GNPNAT1: variants seen among roughly 807,000 people sequenced by gnomAD.
GNPNAT1 encodes the protein glucosamine 6-phosphate N-acetyltransferase.
Under a neutral mutation model 19.8 loss-of-function variants are expected in GNPNAT1, and 11 were observed. The observed-to-expected ratio is 0.56, with a 90% CI of 0.35 to 0.92. The LOEUF is 0.92. GNPNAT1 is among the 40% of genes least tolerant of loss of function. GNPNAT1 has a pLI of 0.01. For missense variants in GNPNAT1, 157 were observed against 211.0 expected (o/e 0.74, Z 1.59); for synonymous variants, 71 against 72.3 (o/e 0.98, Z 0.09).
At chr14:52,790,662 A>G (rs954905703) in intron 1 of GNPNAT1, among the ~76,000 whole-genome samples, 2 of 152,032 alleles carry the variant, frequency 1.3e-5, no homozygotes, top group Non-Finnish European at 2.9e-5. Flanking sequence ...AACAGACCCC[A>G]ATCTTTACAT....
At chr14:52,783,642 A>G (rs1396873102) in intron 2 of GNPNAT1, among the ~76,000 whole-genome samples, 157 bp from the exon 3 acceptor site, 2 of 152,158 alleles carry the variant, frequency 1.3e-5, no homozygotes, top group Non-Finnish European at 2.9e-5. Context: ...CTATTCTTCT[A>G]TAATCACTAC....
chr14:52,784,066 T>C (rs188919116), intron 2 of GNPNAT1, among the ~76,000 whole-genome samples: 4 of 152,292 alleles, frequency 2.6e-5, no homozygotes, highest in East Asian at 3.9e-4. Context: ...AAGGACAAAG[T>C]TGACTTTTAA....
chr14:52,785,912 T>C (rs541228718), intron 1 of GNPNAT1, among the ~76,000 whole-genome samples: 6 of 150,716 alleles, frequency 4.0e-5, no homozygotes, highest in Non-Finnish European at 5.9e-5. Context: ...CACGCCCAGC[T>C]AGTTTTTTTT....
At chr14:52,778,528 T>C (rs1180741882) in intron 5 of GNPNAT1, 70 bp from the exon 6 acceptor site, 2 of 1,303,052 alleles carry the variant, frequency 1.5e-6, no homozygotes, top group African/African-American at 1.5e-5. Flanking sequence ...AGTAACAATA[T>C]GAATTAATGT....
chr14:52,781,839 A>C lies in GNPNAT1; in HGVS notation c.290T>G (p.Ile97Ser). The change falls in exon 4 of 6, where the codon ATT (isoleucine) becomes AGT (serine). Residue 97 changes from isoleucine (I) to serine (S), a missense_variant. Ile to Ser is a moderately radical substitution (Grantham distance 142). Coordinates refer to ENST00000216410, the MANE Select transcript of GNPNAT1 (RefSeq NM_198066.4). Reference sequence around the variant, plus strand: ...TATAATCAGAGTTGCCGTAGCAACAATCTGTCCTAGAGTCACATCTTCTAC... The same window carrying C: ...TATAATCAGAGTTGCCGTAGCAACACTCTGTCCTAGAGTCACATCTTCTAC... ...TVVEDVTLGQ[I>S]VATATLIIEH... is the part of the protein sequence containing the mutation. 6.2e-7 allele frequency: 1 copy of C among 1,607,310 alleles called. No individual in the cohort carries two copies. Among genetic ancestry groups the C allele is most frequent in the Non-Finnish European group, 8.5e-7 (1 of 1,177,456 alleles).
At chr14:52,784,719 ATTG>A (rs1486522636) in intron 1 of GNPNAT1, 55 bp from the exon 2 acceptor site, 10 of 727,946 alleles carry the variant, frequency 1.4e-5, no homozygotes, top group African/African-American at 7.4e-5. Flanking sequence ...GAAAATTATG[ATTG>A]TTGAGAAAGT....
At chr14:52,779,398 A>G (rs1038593160) in intron 5 of GNPNAT1, among the ~76,000 whole-genome samples, 1 of 152,174 alleles carries the variant, frequency 6.6e-6, no homozygotes, top group Non-Finnish European at 1.5e-5. Context: ...ATGTTTGAAC[A>G]GACTAAAAAA....
chr14:52,780,808 A>G (rs2139962859), intron 4 of GNPNAT1, 68 bp from the exon 5 acceptor site: 2 of 911,698 alleles, frequency 2.2e-6, no homozygotes, highest in Non-Finnish European at 3.6e-6. Flanking sequence ...CGAGTTGGTA[A>G]GAATTTACTG....
At chr14:52,778,835 G>C (rs1047247781) in intron 5 of GNPNAT1, among the ~76,000 whole-genome samples, 3 of 151,920 alleles carry the variant, frequency 2.0e-5, no homozygotes, top group Non-Finnish European at 2.9e-5. Flanking sequence ...TGGGAAACAC[G>C]GCAAAACCCC....
In GNPNAT1 at chr14:52,777,019, G is replaced by T. The variant is rs916697924; in HGVS notation, c.*1292C>A. On this transcript the variant is annotated 3_prime_UTR_variant, in exon 6 of 6. Transcript: ENST00000216410. ...TGTATAGGCTATAAGCAGGTAAGTA[G>T]TGCACTCTATTGGTGAAGGATTTCT... 6.6e-6 allele frequency: 1 copy of T among 152,250 alleles called. No homozygotes were observed. Among genetic ancestry groups the T allele is most frequent in the African/African-American group, 2.4e-5 (1 of 41,468 alleles). The allele number at this position is 152,250 out of a possible 1,614,324, so 9.4% of individuals were successfully genotyped here.
intron 3 of GNPNAT1, among the ~76,000 whole-genome samples, chr14:52,782,781 G>T (rs1179632884): frequency 6.6e-6 from 1 of 151,774 alleles, no homozygotes; most frequent in Non-Finnish European, 1.5e-5. Flanking sequence ...CCTATTATAA[G>T]GAAATGAAGA....
intron 1 of GNPNAT1, among the ~76,000 whole-genome samples, chr14:52,785,910 G>A (rs755130455): frequency 1.1e-3 from 170 of 150,774 alleles, no homozygotes; most frequent in Non-Finnish European, 2.0e-3. Flanking sequence ...ACCACGCCCA[G>A]CTAGTTTTTT....
intron 1 of GNPNAT1, among the ~76,000 whole-genome samples, chr14:52,785,804 A>G (rs1248034163): frequency 6.7e-6 from 1 of 150,150 alleles, no homozygotes; most frequent in African/African-American, 2.4e-5. Flanking sequence ...CTGGAGTGCA[A>G]TGATGTGATC....
At chr14:52,781,950 T>G in intron 3 of GNPNAT1, 39 bp from the exon 4 acceptor site, 1 of 1,536,082 alleles carries the variant, frequency 6.5e-7, no homozygotes, top group Non-Finnish European at 8.7e-7. Context: ...ATAGTAGACA[T>G]TCAATTTTAT....
In GNPNAT1 at chr14:52,783,437, G is replaced by A; in HGVS notation, c.203C>T (p.Pro68Leu). Residue 68 changes from proline (P) to leucine (L), a missense_variant, in exon 3 of 6, where the codon CCT becomes CTT. Physicochemically the swap from Pro to Leu is moderately conservative, Grantham distance 98. Transcript: ENST00000216410. ...ATAGTACTTACTCATAAATTGTTCA[G>A]GGCTGACAACTCCAGTCTCTGTTAG... The part of the protein sequence containing the change: ...GQLTETGVVS[P>L]EQFMKSFEHM... 1 of 1,608,572 alleles carries A rather than the reference G, an allele frequency of 6.2e-7. No individual in the cohort carries two copies. The highest frequency in any genetic ancestry group is 8.5e-7 in the Non-Finnish European group (1 of 1,175,526).
intron 1 of GNPNAT1, among the ~76,000 whole-genome samples, chr14:52,785,521 G>A (rs1334769887): frequency 1.3e-5 from 2 of 151,366 alleles, no homozygotes; most frequent in African/African-American, 2.4e-5. Flanking sequence ...TCGGGAGTTC[G>A]AGACCAGCCT....
In GNPNAT1 at chr14:52,784,474, T is replaced by C. The variant is rs748356252; in HGVS notation, c.154+23A>G. 8.0e-6 allele frequency: 12 copies of C among 1,507,910 alleles called. No homozygotes were observed. In the South Asian group the frequency reaches 1.6e-4, roughly 20 times the overall value. The allele number at this position is 1,507,910 out of a possible 1,614,324, so 93.4% of individuals were successfully genotyped here. A position where few individuals can be genotyped will look rare whatever the true frequency, so the allele number is the denominator to read the frequency against. ...GAAAAATGGAAGGCTAACTCTAATT[T>C]TACACAGGATTTTGTACATTACCTC... On this transcript the variant is annotated intron_variant, in intron 2 of 5. Transcript: ENST00000216410.
chr14:52,778,366 T>G lies in GNPNAT1; in HGVS notation c.500A>C (p.Lys167Thr). The G allele has an allele frequency of 6.2e-7, 1 of 1,606,754 alleles. No homozygotes were observed. The highest frequency in any genetic ancestry group is 8.5e-7 in the Non-Finnish European group (1 of 1,177,806). The change falls in exon 6 of 6, where the codon AAG becomes ACG. Residue 167 changes from lysine (K) to threonine (T), a missense_variant. Physicochemically the swap from Lys to Thr is moderately conservative, Grantham distance 78. Transcript: ENST00000216410. ...CLPQNVGFYK[K>T]FGYTVSEENY... The stretch of plus-strand genomic sequence containing the variant: ...TTCTTCAGATACAGTATATCCAAAC[T>G]TTTTATAGAAACCAACATTTTGTGG...
At chr14:52,786,814 C>T (rs922558947) in intron 1 of GNPNAT1, among the ~76,000 whole-genome samples, 10 of 146,390 alleles carry the variant, frequency 6.8e-5, no homozygotes, top group African/African-American at 1.3e-4. Context: ...GTTGAGTATT[C>T]CTTATCCAAA....
Sources: gnomAD v4.1 joint callset for allele counts (sites outside exome capture counted in the v4.1 genomes callset) on GRCh38, gnomAD v4.1.1 for gene constraint, MANE v1.5 for transcripts, NCBI Gene and HGNC (gene_info 2026-07-23, HGNC 2026-07-21) for gene names.